The following STAP1 variants were observed in gnomAD, a reference collection of about 807,000 sequenced individuals.
STAP1 encodes the protein signal-transducing adaptor protein 1.
STAP1 carries 30 observed loss-of-function variants against 37.8 expected under a neutral mutation model. The ratio of observed to expected loss-of-function variants is 0.79; its 90% CI spans 0.59 to 1.08. STAP1 has a LOEUF of 1.08. Among genes scored for constraint, STAP1 ranks in the 50% least tolerant of loss-of-function variants. The pLI is 0.00. For synonymous variants in STAP1, 130 were observed against 116.0 expected (o/e 1.12, Z -0.78); for missense variants, 357 against 349.4 (o/e 1.02, Z -0.17).
At chr4:67,572,769 T>G (rs1436687338) in intron 2 of STAP1, among the ~76,000 whole-genome samples, 2 of 152,250 alleles carry the variant, frequency 1.3e-5, no homozygotes, top group African/African-American at 4.8e-5. Flanking sequence ...GCATTTTACA[T>G]GCATTGCCTA....
rs60607477 is a variant in STAP1 at position 67,565,934 on chromosome 4, C to CT, written c.121-5120dup. Among the ~76,000 whole-genome samples, 535 of 59,446 alleles carry CT rather than the reference C, an allele frequency of 9.0e-3. 56 individuals are homozygous for CT. Among genetic ancestry groups the CT allele is most frequent in the African/African-American group, 0.012 (198 of 17,150 alleles). 39.0% of individuals were successfully genotyped at this position (59,446 alleles called of 152,430 possible). On this transcript the variant is annotated intron_variant, in intron 1 of 8. Transcript: ENST00000265404. ...TTCTCTTCCCCCCTCAACCCAACTG[C>CT]TTTTTTTTTTTTTTTTTTTTTTTTT... is the stretch of plus-strand genomic sequence containing the variant.
At chr4:67,591,101 A>C (rs887678719) in intron 7 of STAP1, 148 bp downstream of exon 7, 1 of 423,536 alleles carries the variant, frequency 2.4e-6, no homozygotes, top group African/African-American at 2.0e-5. Flanking sequence ...GTGGTGAGGC[A>C]GAGTAAAATA....
intron 8 of STAP1, among the ~76,000 whole-genome samples, chr4:67,604,756 C>A (rs1296810808): frequency 2.0e-5 from 3 of 152,052 alleles, no homozygotes; most frequent in Non-Finnish European, 4.4e-5. Flanking sequence ...CCTCTGGGTC[C>A]TGTTAAAATT....
intron 8 of STAP1, among the ~76,000 whole-genome samples, chr4:67,596,775 GCA>G (rs1560467093): frequency 6.6e-6 from 1 of 152,194 alleles, no homozygotes; most frequent in African/African-American, 2.4e-5. Context: ...CTTCTAAGCA[GCA>G]CAGTGTTCAA....
intron 8 of STAP1, among the ~76,000 whole-genome samples, chr4:67,601,216 T>C (rs1201021003): frequency 4.6e-5 from 7 of 152,190 alleles, no homozygotes; most frequent in African/African-American, 2.4e-5. Flanking sequence ...CAACTTAACG[T>C]TGACTGCAAA....
intron 1 of STAP1, among the ~76,000 whole-genome samples, chr4:67,560,756 A>G (rs1272590494): frequency 2.6e-5 from 4 of 151,740 alleles, no homozygotes; most frequent in African/African-American, 7.3e-5. Context: ...GGCTCCGGTG[A>G]TTCTCCTGCC....
At chr4:67,561,235 G>A (rs1315377377) in intron 1 of STAP1, among the ~76,000 whole-genome samples, 1 of 152,152 alleles carries the variant, frequency 6.6e-6, no homozygotes, top group Non-Finnish European at 1.5e-5. Flanking sequence ...CAAAATAAGT[G>A]GAATTTCCAA....
intron 7 of STAP1, among the ~76,000 whole-genome samples, chr4:67,591,968 T>G (rs898529851): frequency 2.6e-5 from 4 of 152,154 alleles, no homozygotes; most frequent in Non-Finnish European, 5.9e-5. Context: ...CAAGGAAGAA[T>G]AATGTGTCAT....
At chr4:67,566,023 A>C (rs1727461120) in intron 1 of STAP1, among the ~76,000 whole-genome samples, 1 of 130,742 alleles carries the variant, frequency 7.6e-6, no homozygotes, top group Admixed American at 9.9e-5. Context: ...ATCTCTGCTC[A>C]CTGCAACCTT....
intron 2 of STAP1, among the ~76,000 whole-genome samples, chr4:67,574,792 T>C (rs1405731414): frequency 1.3e-5 from 2 of 152,158 alleles, no homozygotes; most frequent in East Asian, 3.9e-4. Flanking sequence ...TATGGTACTG[T>C]TTGGCCTTTT....
chr4:67,568,419 C>G (rs1050183903), intron 1 of STAP1, among the ~76,000 whole-genome samples: 1 of 152,072 alleles, frequency 6.6e-6, no homozygotes, highest in African/African-American at 2.4e-5. Flanking sequence ...TTAAAACACA[C>G]TTTTGGGAAA....
chr4:67,577,141 T>G (rs1288107178), intron 3 of STAP1, 62 bp from the exon 4 acceptor site: 2 of 1,453,334 alleles, frequency 1.4e-6, no homozygotes, highest in African/African-American at 2.9e-5. Flanking sequence ...ATTATTTATT[T>G]TATGCTCAAT....
intron 2 of STAP1, among the ~76,000 whole-genome samples, chr4:67,573,436 C>T (rs1727648080): frequency 6.6e-6 from 1 of 152,150 alleles, no homozygotes; most frequent in African/African-American, 2.4e-5. Context: ...TTCCTTTCCT[C>T]TAATCAATGG....
At chr4:67,586,508 C>T (rs1289832164) in intron 6 of STAP1, among the ~76,000 whole-genome samples, 1 of 152,066 alleles carries the variant, frequency 6.6e-6, no homozygotes, top group Non-Finnish European at 1.5e-5. Flanking sequence ...ACAATAGCAG[C>T]CTGATCCCTT....
chr4:67,597,165 G>A (rs976937393), intron 8 of STAP1, among the ~76,000 whole-genome samples: 4 of 152,188 alleles, frequency 2.6e-5, no homozygotes, highest in Non-Finnish European at 5.9e-5. Context: ...TGTCCCAGCT[G>A]TGCCAGCTCC....
In STAP1 at chr4:67,581,405, G is replaced by T; in HGVS notation, c.464G>T (p.Ser155Ile). The T allele has an allele frequency of 1.9e-6, 3 of 1,614,012 alleles. No homozygotes were observed. The highest frequency in any genetic ancestry group is 2.5e-6 in the Non-Finnish European group (3 of 1,179,918). Residue 155 changes from serine (S) to isoleucine (I), a missense_variant, in exon 5 of 9, where the codon AGT (serine) becomes ATT (isoleucine). Transcript: ENST00000265404. The part of the protein sequence containing the change: ...EKKRRIETEQ[S>I]TSVEKEKEPT... ...AAAAGGAGGATTGAGACAGAGCAGA[G>T]TACGTCCGTGGAAAAAGAGAAGGAA...
At chr4:67,561,846 G>A (rs1727345475) in intron 1 of STAP1, among the ~76,000 whole-genome samples, 1 of 151,850 alleles carries the variant, frequency 6.6e-6, no homozygotes, top group African/African-American at 2.4e-5. Flanking sequence ...GGCCCAGGTG[G>A]GCGGATCACG....
chr4:67,599,609 A>T (rs1728296037), intron 8 of STAP1, among the ~76,000 whole-genome samples: 1 of 150,636 alleles, frequency 6.6e-6, no homozygotes, highest in South Asian at 2.1e-4. Context: ...TCTTAGTCTG[A>T]GTAAAGGTTT....
intron 4 of STAP1, among the ~76,000 whole-genome samples, chr4:67,577,794 A>C (rs974504702): frequency 6.6e-6 from 1 of 151,654 alleles, no homozygotes; most frequent in Non-Finnish European, 1.5e-5. Flanking sequence ...GATTACAGGC[A>C]TGCACCATCA....
Sources: gnomAD v4.1 joint callset for allele counts (sites outside exome capture counted in the v4.1 genomes callset) on GRCh38, gnomAD v4.1.1 for gene constraint, MANE v1.5 for transcripts, NCBI Gene and HGNC (gene_info 2026-07-23, HGNC 2026-07-21) for gene names.